The following ZDHHC14 variants were observed in gnomAD, a reference collection of about 807,000 sequenced individuals.
ZDHHC14 encodes the protein zDHHC palmitoyltransferase 14.
A neutral mutation model predicts 47.7 loss-of-function variants in ZDHHC14; 16 were observed. That is an observed-to-expected ratio of 0.34 (90% CI 0.23 to 0.51). The LOEUF is 0.51. ZDHHC14 is among the 20% of genes least tolerant of loss of function. ZDHHC14 has a pLI of 0.97. For missense variants in ZDHHC14, 515 were observed against 662.5 expected (o/e 0.78, Z 2.44); for synonymous variants, 293 against 278.9 (o/e 1.05, Z -0.50).
At chr6:157,540,444 A>C (rs35231888) in intron 1 of ZDHHC14, among the ~76,000 whole-genome samples, 2 of 152,044 alleles carry the variant, frequency 1.3e-5, no homozygotes, top group African/African-American at 4.8e-5. Context: ...AAAGGAAAAA[A>C]TAAGCACACC....
intron 1 of ZDHHC14, among the ~76,000 whole-genome samples, chr6:157,429,457 A>T (rs1778292591): frequency 6.6e-6 from 1 of 152,080 alleles, no homozygotes; most frequent in Non-Finnish European, 1.5e-5. Flanking sequence ...TCTTTAACTG[A>T]TGAGTTCCTT....
chr6:157,650,534 A>G (rs564471950), intron 7 of ZDHHC14, among the ~76,000 whole-genome samples: 97 of 151,870 alleles, frequency 6.4e-4, no homozygotes, highest in African/African-American at 2.3e-3. Flanking sequence ...CTGGCCGAGA[A>G]CGCTTGATTT....
At chr6:157,579,780 C>T (rs1036041549) in intron 2 of ZDHHC14, among the ~76,000 whole-genome samples, 1 of 152,126 alleles carries the variant, frequency 6.6e-6, no homozygotes, top group Non-Finnish European at 1.5e-5. Context: ...GATCAAGGAG[C>T]TTTTGGGCAG....
At chr6:157,584,178 T>TG (rs1358200542) in intron 2 of ZDHHC14, among the ~76,000 whole-genome samples, 2 of 152,134 alleles carry the variant, frequency 1.3e-5, no homozygotes, top group Non-Finnish European at 2.9e-5. Flanking sequence ...GCTGAGCTAC[T>TG]GGTCTGGATG....
At chr6:157,594,526 GAATA>G (rs1282412246) in intron 3 of ZDHHC14, among the ~76,000 whole-genome samples, 1 of 152,220 alleles carries the variant, frequency 6.6e-6, no homozygotes, top group Non-Finnish European at 1.5e-5. Flanking sequence ...ATAGTGGAGA[GAATA>G]AATGAATGAA....
At chr6:157,422,072 C>T (rs1778117752) in intron 1 of ZDHHC14, among the ~76,000 whole-genome samples, 1 of 152,192 alleles carries the variant, frequency 6.6e-6, no homozygotes, top group Non-Finnish European at 1.5e-5. Flanking sequence ...AACTCGAACC[C>T]ACGTACCTGG....
chr6:157,498,270 C>CA (rs35694550), intron 1 of ZDHHC14, among the ~76,000 whole-genome samples: 93,886 of 139,740 alleles, frequency 0.67, 31,325 homozygotes, highest in African/African-American at 0.82. Flanking sequence ...GACCACATCT[C>CA]AAAAAAAAAA....
intron 1 of ZDHHC14, among the ~76,000 whole-genome samples, chr6:157,511,156 CAA>C (rs1266950296): frequency 6.6e-6 from 1 of 152,110 alleles, no homozygotes; most frequent in Non-Finnish European, 1.5e-5. Context: ...GCCGTGGGGG[CAA>C]AGAGGATGGA....
At chr6:157,603,109 T>A (rs1056843788) in intron 3 of ZDHHC14, among the ~76,000 whole-genome samples, 6 of 152,246 alleles carry the variant, frequency 3.9e-5, no homozygotes, top group African/African-American at 1.4e-4. Flanking sequence ...CAGTGCTTCA[T>A]GGCAGTGCCA....
At chr6:157,445,154 T>C (rs1037375204) in intron 1 of ZDHHC14, among the ~76,000 whole-genome samples, 1 of 136,260 alleles carries the variant, frequency 7.3e-6, no homozygotes, top group Non-Finnish European at 1.5e-5. Flanking sequence ...ACTCTTCATA[T>C]CTATCTATCT....
At chr6:157,541,957 T>C (rs538503557) in intron 1 of ZDHHC14, among the ~76,000 whole-genome samples, 1 of 152,362 alleles carries the variant, frequency 6.6e-6, no homozygotes, top group East Asian at 1.9e-4. Context: ...GAGATGATTC[T>C]ATTCCAGCTG....
chr6:157,399,477 TC>T (rs1228526753), intron 1 of ZDHHC14, among the ~76,000 whole-genome samples: 1 of 152,240 alleles, frequency 6.6e-6, no homozygotes, highest in East Asian at 1.9e-4. Context: ...TTAGGTCTCT[TC>T]TCATAATTTG....
chr6:157,519,961 G>A (rs935732510), intron 1 of ZDHHC14, among the ~76,000 whole-genome samples: 1 of 152,190 alleles, frequency 6.6e-6, no homozygotes, highest in African/African-American at 2.4e-5. Flanking sequence ...GCAATAAGCT[G>A]ACATTTGCGA....
chr6:157,481,032 C>T (rs749660041), intron 1 of ZDHHC14, among the ~76,000 whole-genome samples: 2 of 152,104 alleles, frequency 1.3e-5, no homozygotes, highest in Admixed American at 1.3e-4. Flanking sequence ...GTTGAAAAAC[C>T]CTGACACTGT....
intron 1 of ZDHHC14, among the ~76,000 whole-genome samples, chr6:157,435,147 C>T (rs1778413745): frequency 6.6e-6 from 1 of 152,222 alleles, no homozygotes; most frequent in African/African-American, 2.4e-5. Flanking sequence ...CCACTTAATA[C>T]TCATACCAAT....
Position 157,677,342 on chromosome 6 carries a change from G to A in ZDHHC14, c.*4220G>A, listed in dbSNP as rs568211434. 35 of 145,660 alleles carry A rather than the reference G, an allele frequency of 2.4e-4. No homozygotes were observed. The highest frequency in any genetic ancestry group is 5.3e-4 in the African/African-American group (21 of 39,992). 9.0% of individuals were successfully genotyped at this position (145,660 alleles called of 1,614,324 possible). The stretch of plus-strand genomic sequence containing the variant: ...ATTGAAATATTAAACGATCTGAAGC[G>A]TCTTTTTTTTTTTCAAATAAATGTC... On this transcript the variant is annotated 3_prime_UTR_variant, in exon 9 of 9. Transcript: ENST00000359775.
intron 1 of ZDHHC14, among the ~76,000 whole-genome samples, chr6:157,464,398 A>G (rs897219660): frequency 6.6e-6 from 1 of 152,234 alleles, no homozygotes; most frequent in African/African-American, 2.4e-5. Flanking sequence ...GTTATAGTTC[A>G]TAGTTTCCTC....
chr6:157,664,048 G>A lies in ZDHHC14; in HGVS notation c.1069-8676G>A, dbSNP rs534188825. On this transcript the variant is annotated intron_variant, in intron 8 of 8. Coordinates refer to ENST00000359775, the MANE Select transcript of ZDHHC14 (RefSeq NM_024630.3). ...ATCTACAGGGGTGACTGTGTGTAAA[G>A]TGATTTTCAGCCACACCCTTTCAGT... 2.6e-5 allele frequency among the ~76,000 whole-genome samples: 4 copies of A among 152,250 alleles called. No homozygotes were observed. In the South Asian group the frequency reaches 8.3e-4, roughly 32 times the overall value.
chr6:157,632,449 T>G, intron 4 of ZDHHC14: 1 of 204,580 alleles, frequency 4.9e-6, no homozygotes, highest in South Asian at 1.1e-4. Flanking sequence ...GTAGCCTAGT[T>G]TCCAGAACTT....
Sources: allele counts gnomAD v4.1 joint callset (sites outside exome capture counted in the v4.1 genomes callset), GRCh38; gene constraint gnomAD v4.1.1; transcripts MANE v1.5; gene names NCBI Gene and HGNC (gene_info 2026-07-23, HGNC 2026-07-21).